The following CDH9 variants were observed in gnomAD, a reference collection of about 807,000 sequenced individuals.
CDH9 encodes the protein cadherin 9.
In CDH9, 28 loss-of-function variants were observed where a neutral mutation model predicts 70.9. The observed-to-expected ratio is 0.40, with a 90% CI of 0.29 to 0.54. The LOEUF is 0.54. Ranked by LOEUF, CDH9 falls within the 20% of genes least tolerant of loss-of-function variation. CDH9 has a pLI of 0.59. For missense variants in CDH9, 874 were observed against 984.4 expected (o/e 0.89, Z 1.50); for synonymous variants, 409 against 343.1 (o/e 1.19, Z -2.12).
chr5:26,906,952 TGAA>T (rs1360576535), intron 3 of CDH9, 114 bp from the exon 4 acceptor site: 16 of 1,315,846 alleles, frequency 1.2e-5, no homozygotes, highest in Non-Finnish European at 1.5e-5. Flanking sequence ...GTTGTATGTT[TGAA>T]GAAATTTATT....
At position 26,917,794 on chromosome 5, in the gene CDH9, T is replaced by G. The variant is rs79097713; in HGVS notation, c.229-1870A>C. Among the ~76,000 whole-genome samples, 28 of 152,164 alleles carry G rather than the reference T, an allele frequency of 1.8e-4. No homozygotes were observed. The East Asian group carries it at 3.7e-3, about 20-fold the overall frequency. On this transcript the variant is annotated intron_variant, in intron 2 of 11. Coordinates refer to ENST00000231021, the MANE Select transcript of CDH9 (RefSeq NM_016279.4). ...TCCACTCTTGCTCTACTCCAAGCAATTTTTCATACTAAAGAGGGTGATTTT... is the reference window on the plus strand; with the variant it reads ...TCCACTCTTGCTCTACTCCAAGCAAGTTTTCATACTAAAGAGGGTGATTTT...
Position 26,988,226 on chromosome 5 carries a change from C to A in CDH9, c.108G>T (p.Lys36Asn), listed in dbSNP as rs1742520072. ...CGTCATCTTTTGTCAGACCCGCTAT[C>A]TTTTTGCTTGATAAATAACTGTTAG... ...EKPNSYLSSKKIAGLTKDDGK... is the reference protein window; with the variant it reads ...EKPNSYLSSKNIAGLTKDDGK... The change falls in exon 2 of 12, where the codon AAG becomes AAT. Residue 36 changes from lysine to asparagine, a missense_variant. By Grantham distance (94) the Lys-to-Asn change is moderately conservative. Coordinates refer to ENST00000231021, the MANE Select transcript of CDH9 (RefSeq NM_016279.4). 6.2e-7 allele frequency: 1 copy of A among 1,613,372 alleles called. No homozygotes were observed. Among genetic ancestry groups the A allele is most frequent in the Admixed American group, 1.7e-5 (1 of 59,942 alleles).
chr5:26,988,221 G>A lies in CDH9; in HGVS notation c.113C>T (p.Ala38Val), dbSNP rs2288466. 779,519 of 1,612,922 alleles carry A rather than the reference G, an allele frequency of 0.48. 197,536 individuals carry two copies. The highest frequency in any genetic ancestry group is 0.69 in the African/African-American group (51,332 of 74,888). Residue 38 changes from alanine (A) to valine (V), a missense_variant, in exon 2 of 12, where the codon GCG becomes GTG. Transcript: ENST00000231021. ...PNSYLSSKKI[A>V]GLTKDDGKML... ...TTTACCGTCATCTTTTGTCAGACCC[G>A]CTATCTTTTTGCTTGATAAATAACT...
intron 1 of CDH9, among the ~76,000 whole-genome samples, chr5:27,007,203 C>T (rs1438172676): frequency 6.6e-6 from 1 of 152,028 alleles, no homozygotes; most frequent in African/African-American, 2.4e-5. Flanking sequence ...AGAAAAAGCA[C>T]ACAGTGTTAA....
rs1338205194 is a variant in CDH9 at position 26,897,672 on chromosome 5, A to C, written c.1253+4804T>G. 3.9e-5 allele frequency among the ~76,000 whole-genome samples: 6 copies of C among 152,008 alleles called. No homozygotes were observed. In the East Asian group the frequency reaches 1.2e-3, roughly 29 times the overall value. Reference sequence around the variant, plus strand: ...TAGGTATGGAGGGAACGTATCTCAAAATAGTAAGAGTTATTTATGACAAAC... The same window carrying C: ...TAGGTATGGAGGGAACGTATCTCAACATAGTAAGAGTTATTTATGACAAAC... On this transcript the variant is annotated intron_variant, in intron 7 of 11. Coordinates refer to ENST00000231021, the MANE Select transcript of CDH9 (RefSeq NM_016279.4).
At chr5:27,021,051 G>T (rs527448637) in intron 1 of CDH9, among the ~76,000 whole-genome samples, 1 of 151,724 alleles carries the variant, frequency 6.6e-6, no homozygotes, top group African/African-American at 2.4e-5. Flanking sequence ...TGATGAAAAT[G>T]ATTATTTTAT....
At chr5:26,959,763 A>G (rs1742003064) in intron 2 of CDH9, among the ~76,000 whole-genome samples, 1 of 152,082 alleles carries the variant, frequency 6.6e-6, no homozygotes, top group Non-Finnish European at 1.5e-5. Context: ...AGGTCACCTA[A>G]TGTATGATTT....
At chr5:26,929,225 C>T (rs538227190) in intron 2 of CDH9, among the ~76,000 whole-genome samples, 8 of 152,066 alleles carry the variant, frequency 5.3e-5, no homozygotes, top group East Asian at 1.9e-4. Context: ...ATGGCAAACA[C>T]GTATATGAAA....
Position 26,881,463 on chromosome 5 carries a change from C to T in CDH9, c.2043G>A (p.Glu681=). ...AFDIGTLRNP[E]AREDSKLRRD... Reference sequence around the variant, plus strand: ...GTCTAAGTTTACTGTCTTCTCTTGCCTCTGGATTCCTTAATGTGCCAATGT... The same window carrying T: ...GTCTAAGTTTACTGTCTTCTCTTGCTTCTGGATTCCTTAATGTGCCAATGT... Residue 681 remains glutamate (E), a synonymous_variant, in exon 12 of 12, where the codon GAG becomes GAA. Transcript: ENST00000231021. 6.2e-7 allele frequency: 1 copy of T among 1,613,702 alleles called. No homozygotes were observed. The highest frequency in any genetic ancestry group is 2.2e-5 in the East Asian group (1 of 44,866).
rs139245522 is a variant in CDH9, at chr5:26,911,217, G to C, written c.524-4379C>G. On this transcript the variant is annotated intron_variant, in intron 3 of 11. Transcript: ENST00000231021. ...TTACTTAATCCTCATGATACATGTG[G>C]GATGTGGGCCTTGGCGTACATAGAA... Among the ~76,000 whole-genome samples, 849 of 152,160 alleles carry C rather than the reference G, an allele frequency of 5.6e-3. 5 individuals are homozygous for C. Among genetic ancestry groups the C allele is most frequent in the African/African-American group, 0.019 (784 of 41,536 alleles).
intron 1 of CDH9, among the ~76,000 whole-genome samples, chr5:27,013,577 C>G (rs116338354): frequency 6.6e-6 from 1 of 151,824 alleles, no homozygotes; most frequent in South Asian, 2.1e-4. Context: ...TCTCCATGAT[C>G]GTGCCATGGG....
chr5:26,889,941 A>G lies in CDH9; in HGVS notation c.1407T>C (p.Ser469=), dbSNP rs147251422. 119 of 1,608,756 alleles carry G rather than the reference A, an allele frequency of 7.4e-5. No homozygotes were observed. Among genetic ancestry groups the G allele is most frequent in the Non-Finnish European group, 8.9e-5 (105 of 1,177,394 alleles). The change falls in exon 9 of 12, where the codon AGT becomes AGC. Residue 469 remains serine, a synonymous_variant. Transcript: ENST00000231021. Reference sequence around the variant, plus strand: ...TTCTGATGAAGACAGGGATGTGGCTACTTTGTTTTGGGTTATCTGCAACGA... The same window carrying G: ...TTCTGATGAAGACAGGGATGTGGCTGCTTTGTTTTGGGTTATCTGCAACGA... ...TATEINNPKQ[S]SHIPVFIRIL... is the part of the protein sequence containing the mutation.
At chr5:26,893,132 A>G (rs548919232) in intron 7 of CDH9, among the ~76,000 whole-genome samples, 3 of 152,306 alleles carry the variant, frequency 2.0e-5, no homozygotes, top group East Asian at 3.9e-4. Flanking sequence ...TATTTAATCT[A>G]TTGTTTAAGA....
chr5:26,981,292 A>C (rs1394841030), intron 2 of CDH9, among the ~76,000 whole-genome samples: 2 of 152,124 alleles, frequency 1.3e-5, no homozygotes, highest in Non-Finnish European at 2.9e-5. Flanking sequence ...AAAATGGTGC[A>C]GAATTTACAT....
intron 1 of CDH9, among the ~76,000 whole-genome samples, chr5:27,003,741 T>G (rs897921245): frequency 1.3e-5 from 2 of 152,042 alleles, no homozygotes; most frequent in Non-Finnish European, 2.9e-5. Context: ...AAAATATCTT[T>G]GGCAACAGAA....
intron 2 of CDH9, among the ~76,000 whole-genome samples, chr5:26,961,718 A>G (rs750556750): frequency 6.6e-6 from 1 of 152,184 alleles, no homozygotes; most frequent in Non-Finnish European, 1.5e-5. Flanking sequence ...ACCTGTATGC[A>G]ATTTTAATTG....
chr5:26,970,144 A>C (rs1742193966), intron 2 of CDH9, among the ~76,000 whole-genome samples: 1 of 151,528 alleles, frequency 6.6e-6, no homozygotes, highest in Admixed American at 6.6e-5. Flanking sequence ...TTATTAAATT[A>C]ATAAAGTTAA....
At chr5:26,992,268 C>G (rs1441440633) in intron 1 of CDH9, among the ~76,000 whole-genome samples, 17 of 152,092 alleles carry the variant, frequency 1.1e-4, no homozygotes, top group Admixed American at 1.1e-3. Flanking sequence ...GGTGTGCAGA[C>G]TGGGGGTTGG....
Position 26,977,485 on chromosome 5 carries a change from GTA to G in CDH9, c.228+10619_228+10620del, listed in dbSNP as rs775423954. ...TATATATGTGTGCGTGTGTGTGTGT[GTA>G]TATATATATATATATATATATGGCA... On this transcript the variant is annotated intron_variant, in intron 2 of 11. Transcript: ENST00000231021. Among the ~76,000 whole-genome samples, 593 of 68,632 alleles carry G rather than the reference GTA, an allele frequency of 8.6e-3. 3 individuals carry two copies. Among genetic ancestry groups the G allele is most frequent in the Admixed American group, 0.013 (113 of 8,936 alleles). The allele number at this position is 68,632 out of a possible 152,430, so 45.0% of individuals were successfully genotyped here.
Sources: gnomAD v4.1 joint callset for allele counts (sites outside exome capture counted in the v4.1 genomes callset) on GRCh38, gnomAD v4.1.1 for gene constraint, MANE v1.5 for transcripts, NCBI Gene and HGNC (gene_info 2026-07-23, HGNC 2026-07-21) for gene names.